TNFRSF11A: variants seen among roughly 807,000 people sequenced by gnomAD.
The protein encoded by TNFRSF11A is TNF receptor superfamily member 11a, also known as tumor necrosis factor receptor superfamily member 11A.
Under a neutral mutation model 55.7 loss-of-function variants are expected in TNFRSF11A, and 32 were observed. The ratio of observed to expected loss-of-function variants is 0.57; its 90% CI spans 0.43 to 0.77. The LOEUF is 0.77. TNFRSF11A is among the 30% of genes least tolerant of loss of function. The pLI is 0.00. For synonymous variants in TNFRSF11A, 311 were observed against 331.0 expected, an observed-to-expected ratio of 0.94 and a Z score of 0.65; for missense variants, 753 against 809.8, an observed-to-expected ratio of 0.93 and a Z score of 0.85.
intron 3 of TNFRSF11A, among the ~76,000 whole-genome samples, chr18:62,350,980 C>T (rs571487824): frequency 6.6e-6 from 1 of 150,600 alleles, no homozygotes; most frequent in Non-Finnish European, 1.5e-5. Context: ...ATTATTCTGT[C>T]CCTTATATTT....
chr18:62,382,404 CCCGG>C (rs1242304304), intron 9 of TNFRSF11A, among the ~76,000 whole-genome samples: 1 of 152,194 alleles, frequency 6.6e-6, no homozygotes, highest in Non-Finnish European at 1.5e-5. Context: ...AGCCACCGCG[CCCGG>C]CCTCCTGAGC....
chr18:62,349,484 C>T (rs1432017973), intron 2 of TNFRSF11A, among the ~76,000 whole-genome samples: 1 of 152,284 alleles, frequency 6.6e-6, no homozygotes, highest in East Asian at 1.9e-4. Flanking sequence ...CCTGGCCCAT[C>T]ATTCTATTCC....
At chr18:62,356,804 CTT>C (rs1463496925) in intron 4 of TNFRSF11A, among the ~76,000 whole-genome samples, 1 of 152,100 alleles carries the variant, frequency 6.6e-6, no homozygotes, top group Non-Finnish European at 1.5e-5. Context: ...AAAAGTATAT[CTT>C]TTGTGAAATG....
chr18:62,337,049 A>G lies in TNFRSF11A; in HGVS notation c.76-11119A>G, dbSNP rs145234097. ...GGAAATGCTGATGGGCCCAATAACA[A>G]GCAACTTTCAAGACGGTGTATAAAG... On this transcript the variant is annotated intron_variant, in intron 1 of 9. Coordinates refer to ENST00000586569, the MANE Select transcript of TNFRSF11A (RefSeq NM_003839.4). Among the ~76,000 whole-genome samples, 9 of 152,312 alleles carry G rather than the reference A, an allele frequency of 5.9e-5. No individual in the cohort carries two copies. The East Asian group carries it at 1.7e-3, about 29-fold the overall frequency.
Position 62,354,494 on chromosome 18 carries a change from C to G in TNFRSF11A, c.387C>G (p.Arg129=), listed in dbSNP as rs754551707. 5.0e-6 allele frequency: 8 copies of G among 1,602,446 alleles called. No homozygotes were observed. In the East Asian group the frequency reaches 1.8e-4, roughly 36 times the overall value. Residue 129 remains arginine, a synonymous_variant, in exon 4 of 10, where the codon CGC becomes CGG. Coordinates refer to ENST00000586569, the MANE Select transcript of TNFRSF11A (RefSeq NM_003839.4). ...GCCAGGACTGCGAGTGCTGCCGCCG[C>G]AACACCGAGTGCGCGCCGGGCCTGG... ...HWSQDCECCR[R]NTECAPGLGA... is the part of the protein sequence containing the mutation.
chr18:62,367,167 A>G (rs1910153916), intron 8 of TNFRSF11A, among the ~76,000 whole-genome samples: 1 of 152,200 alleles, frequency 6.6e-6, no homozygotes, highest in Admixed American at 6.5e-5. Context: ...CTTTGCTTAC[A>G]GGGCATTTCC....
intron 1 of TNFRSF11A, among the ~76,000 whole-genome samples, chr18:62,335,661 GA>G (rs2046222096): frequency 6.6e-6 from 1 of 152,198 alleles, no homozygotes; most frequent in Non-Finnish European, 1.5e-5. Flanking sequence ...GTCCTTATTA[GA>G]AAAGAGAGTT....
chr18:62,372,696 G>A (rs1910636419), intron 9 of TNFRSF11A, among the ~76,000 whole-genome samples: 3 of 152,014 alleles, frequency 2.0e-5, no homozygotes, highest in Non-Finnish European at 4.4e-5. Context: ...AGTGTCTATT[G>A]TTGCCTTCTT....
chr18:62,356,155 T>G (rs1168404475), intron 4 of TNFRSF11A, among the ~76,000 whole-genome samples: 1 of 152,228 alleles, frequency 6.6e-6, no homozygotes, highest in Admixed American at 6.5e-5. Flanking sequence ...AACAAATGAT[T>G]ATTTATGCCT....
At chr18:62,361,502 C>T (rs183067981) in intron 6 of TNFRSF11A, among the ~76,000 whole-genome samples, 178 bp from the exon 7 acceptor site, 67 of 152,262 alleles carry the variant, frequency 4.4e-4, no homozygotes, top group East Asian at 1.9e-3. Context: ...GATTGTGGAT[C>T]TCACCCTTTG....
chr18:62,370,837 T>TTTC (rs960355892), intron 9 of TNFRSF11A, among the ~76,000 whole-genome samples: 29 of 2,718 alleles, frequency 0.011, no homozygotes, highest in Middle Eastern at 0.12. Context: ...TTTCTTTTCT[T>TTTC]TTTTTTTTTT....
intron 9 of TNFRSF11A, chr18:62,378,126 A>G (rs1272124122): frequency 1.3e-5 from 2 of 152,236 alleles, no homozygotes. Flanking sequence ...TCACCATCGC[A>G]GATCAGATGT....
At chr18:62,338,968 G>C (rs2046273717) in intron 1 of TNFRSF11A, among the ~76,000 whole-genome samples, 1 of 152,108 alleles carries the variant, frequency 6.6e-6, no homozygotes, top group Admixed American at 6.6e-5. Context: ...TGCAGATTTT[G>C]CCATCCAGAG....
rs1207337886 is a variant in TNFRSF11A, at chr18:62,361,790, A to G, written c.727A>G (p.Thr243Ala). Residue 243 changes from threonine to alanine, a missense_variant, in exon 7 of 10, where the codon ACA becomes GCA. By Grantham distance (58) the Thr-to-Ala change is moderately conservative. Coordinates refer to ENST00000586569, the MANE Select transcript of TNFRSF11A (RefSeq NM_003839.4). ...VCYRKKGKAL[T>A]ANLWHWINEA... Reference sequence around the variant, plus strand: ...CTATAGGAAAAAAGGGAAAGCACTCACAGGTATTGTGTCTATGGTGGTTTT... The same window carrying G: ...CTATAGGAAAAAAGGGAAAGCACTCGCAGGTATTGTGTCTATGGTGGTTTT... 1 of 1,613,606 alleles carries G rather than the reference A, an allele frequency of 6.2e-7. No individual in the cohort carries two copies. Among genetic ancestry groups the G allele is most frequent in the South Asian group, 1.1e-5 (1 of 91,080 alleles).
Position 62,369,391 on chromosome 18 carries a change from C to T in TNFRSF11A, c.1474C>T (p.Gln492Ter), listed in dbSNP as rs1289326266. 6.2e-7 allele frequency: 1 copy of T among 1,611,722 alleles called. No individual in the cohort carries two copies. The highest frequency in any genetic ancestry group is 1.7e-5 in the Admixed American group (1 of 60,026). The change falls in exon 9 of 10, where the codon CAG becomes TAG. Residue 492 changes from glutamine (Q) to a stop codon, truncating the protein, a stop_gained. Coordinates refer to ENST00000586569, the MANE Select transcript of TNFRSF11A (RefSeq NM_003839.4). LOFTEE classifies it high-confidence loss of function. ...AGCCAGCAGGACGGAGGCCAGAGAC[C>T]AGCCCGAGGATGGGGCTGATGGGAG... ...EEASRTEARDQPEDGADGRLP... is the reference protein window; with the variant it reads ...EEASRTEARD
At chr18:62,328,561 A>T (rs542387816) in intron 1 of TNFRSF11A, among the ~76,000 whole-genome samples, 4 of 152,166 alleles carry the variant, frequency 2.6e-5, no homozygotes, top group Admixed American at 6.5e-5. Flanking sequence ...CTGAGGTGGT[A>T]AAGTCGACTA....
At chr18:62,358,075 G>A (rs543536642) in intron 4 of TNFRSF11A, 173 bp from the exon 5 acceptor site, 2 of 640,744 alleles carry the variant, frequency 3.1e-6, no homozygotes, top group East Asian at 5.5e-5. Flanking sequence ...GCCCAAGCCT[G>A]TGGGAGCTGA....
At chr18:62,333,930 T>A (rs956009339) in intron 1 of TNFRSF11A, among the ~76,000 whole-genome samples, 1 of 151,858 alleles carries the variant, frequency 6.6e-6, no homozygotes, top group Non-Finnish European at 1.5e-5. Context: ...GGTGGTGCCA[T>A]CTTGGCTCAC....
intron 5 of TNFRSF11A, 69 bp downstream of exon 5, chr18:62,358,410 TG>T: frequency 2.1e-6 from 3 of 1,458,996 alleles, no homozygotes; most frequent in Non-Finnish European, 2.9e-6. Context: ...CTGTCTCGTC[TG>T]GGTTGAAAAC....
Sources: gnomAD v4.1 joint callset for allele counts (sites outside exome capture counted in the v4.1 genomes callset) on GRCh38, gnomAD v4.1.1 for gene constraint, MANE v1.5 for transcripts, NCBI Gene and HGNC (gene_info 2026-07-23, HGNC 2026-07-21) for gene names.